The following EDA variants were observed in gnomAD, a reference collection of about 807,000 sequenced individuals.
The protein encoded by EDA is ectodysplasin-A.
A neutral mutation model predicts 23.6 loss-of-function variants in EDA; 2 were observed. The ratio of observed to expected loss-of-function variants is 0.08; its 90% CI spans 0.03 to 0.27. The LOEUF (loss-of-function observed/expected upper bound fraction) is 0.27. EDA is among the 10% of genes least tolerant of loss of function. The pLI, the probability that EDA is intolerant of heterozygous loss-of-function variation, is 1.00. For synonymous variants in EDA, 131 were observed against 132.0 expected, an observed-to-expected ratio of 0.99 and a Z score of 0.05; for missense variants, 229 against 324.2, an observed-to-expected ratio of 0.71 and a Z score of 2.26.
At chrX:69,833,366 C>T (rs1009072136) in intron 1 of EDA, among the ~76,000 whole-genome samples, 1 of 111,499 alleles carries the variant, frequency 9.0e-6, no homozygotes, top group Non-Finnish European at 1.9e-5. Flanking sequence ...GTTGAACCAG[C>T]CTTGCATCCC....
intron 2 of EDA, among the ~76,000 whole-genome samples, chrX:69,987,895 C>T (rs1179759596): frequency 9.0e-6 from 1 of 111,485 alleles, no homozygotes; most frequent in Non-Finnish European, 1.9e-5. Context: ...TCCTATTCTC[C>T]TGCCAGAGTA....
intron 1 of EDA, among the ~76,000 whole-genome samples, chrX:69,824,459 C>A (rs1190532924): frequency 4.5e-5 from 5 of 110,342 alleles, no homozygotes; most frequent in Admixed American, 2.9e-4. Flanking sequence ...TCTTTGAAGC[C>A]ATTGTGAATG....
At chrX:69,809,578 G>C (rs1287331330) in intron 1 of EDA, among the ~76,000 whole-genome samples, 1 of 111,798 alleles carries the variant, frequency 8.9e-6, no homozygotes, top group Non-Finnish European at 1.9e-5. Flanking sequence ...TTTAGGCAAG[G>C]TAAATGTTAA....
intron 1 of EDA, among the ~76,000 whole-genome samples, chrX:69,703,728 G>C (rs1039555389): frequency 8.9e-6 from 1 of 111,843 alleles, no homozygotes; most frequent in African/African-American, 3.3e-5. Flanking sequence ...CTATCTTGCT[G>C]AGGCATGCTG....
intron 2 of EDA, among the ~76,000 whole-genome samples, chrX:69,973,022 C>T (rs2019269924): frequency 9.0e-6 from 1 of 111,662 alleles, no homozygotes; most frequent in Admixed American, 9.5e-5. Context: ...CTAAGCTAAT[C>T]TAAGCCCTAA....
chrX:69,968,134 G>T (rs950445843), intron 2 of EDA, among the ~76,000 whole-genome samples: 1 of 111,387 alleles, frequency 9.0e-6, no homozygotes, highest in Non-Finnish European at 1.9e-5. Context: ...TCAGAAAAGA[G>T]AAAATCTTAT....
intron 2 of EDA, among the ~76,000 whole-genome samples, chrX:70,014,942 T>C (rs769945787): frequency 8.9e-6 from 1 of 111,933 alleles, no homozygotes; most frequent in Non-Finnish European, 1.9e-5. Flanking sequence ...CTAACACTCA[T>C]TGGCATCTCT....
At chrX:69,621,368 A>T (rs931015541) in intron 1 of EDA, among the ~76,000 whole-genome samples, 2 of 111,952 alleles carry the variant, frequency 1.8e-5, no homozygotes, top group Non-Finnish European at 3.8e-5. Context: ...TTGAAGTATA[A>T]CTCATACACA....
At chrX:69,944,842 C>T (rs1017330699) in intron 1 of EDA, among the ~76,000 whole-genome samples, 1 of 112,215 alleles carries the variant, frequency 8.9e-6, no homozygotes, top group African/African-American at 3.2e-5. Context: ...TGCCAGAACT[C>T]AGGTTCCAAC....
intron 1 of EDA, among the ~76,000 whole-genome samples, chrX:69,908,398 T>C (rs1219179538): frequency 2.7e-5 from 3 of 110,207 alleles, no homozygotes; most frequent in African/African-American, 9.9e-5. Context: ...GTAGAGGGAA[T>C]TACTGAGTAG....
At chrX:69,810,369 T>C (rs1337974563) in intron 1 of EDA, among the ~76,000 whole-genome samples, 1 of 103,075 alleles carries the variant, frequency 9.7e-6, no homozygotes, top group Non-Finnish European at 2.0e-5. Flanking sequence ...CTCTCCCTGC[T>C]CATATTTATA....
chrX:69,901,647 T>C (rs184436632), intron 1 of EDA, among the ~76,000 whole-genome samples: 16 of 111,780 alleles, frequency 1.4e-4, no homozygotes, highest in Admixed American at 1.3e-3. Context: ...AGAAAGGTAA[T>C]TTTGAGGTAA....
At chrX:69,747,228 T>A (rs185583630) in intron 1 of EDA, among the ~76,000 whole-genome samples, 18 of 112,212 alleles carry the variant, frequency 1.6e-4, no homozygotes, top group African/African-American at 5.8e-4. Flanking sequence ...TGGTTAGAAC[T>A]CTTCTTTGAG....
chrX:69,785,339 A>G, intron 1 of EDA, among the ~76,000 whole-genome samples: 1 of 78,384 alleles, frequency 1.3e-5, no homozygotes, highest in Non-Finnish European at 2.9e-5. Context: ...GTTGAATAGG[A>G]GTGGTGAGAG....
At chrX:69,740,960 A>G (rs973788940) in intron 1 of EDA, among the ~76,000 whole-genome samples, 1 of 109,241 alleles carries the variant, frequency 9.2e-6, no homozygotes, top group Non-Finnish European at 1.9e-5. Flanking sequence ...TTTAGTTATT[A>G]TACTTTTCAA....
chrX:69,788,953 GC>G lies in EDA; in HGVS notation c.397-168073del, dbSNP rs2015304122. On this transcript the variant is annotated intron_variant, in intron 1 of 7. Transcript: ENST00000374552. ...GCTATCAATCAGCGAGACTCCGTGG[GC>G]GTAGGACCCTCCGAGCCAGGTGCGG... Among the ~76,000 whole-genome samples the G allele has an allele frequency of 3.6e-5, 4 of 112,505 alleles. No individual in the cohort carries two copies. In the Admixed American group the frequency reaches 3.7e-4, roughly 11 times the overall value.
chrX:69,679,499 C>G (rs1355368195), intron 1 of EDA, among the ~76,000 whole-genome samples: 1 of 111,366 alleles, frequency 9.0e-6, no homozygotes, highest in Non-Finnish European at 1.9e-5. Flanking sequence ...AATTTCAGAT[C>G]CTGTTATTGG....
At chrX:69,869,065 T>C (rs1372116301) in intron 1 of EDA, among the ~76,000 whole-genome samples, 1 of 111,951 alleles carries the variant, frequency 8.9e-6, no homozygotes, top group African/African-American at 3.3e-5. Flanking sequence ...TTGTTTTTGA[T>C]TTACTATTCG....
chrX:69,748,465 A>T (rs2013693212), intron 1 of EDA, among the ~76,000 whole-genome samples: 1 of 111,930 alleles, frequency 8.9e-6, no homozygotes, highest in African/African-American at 3.3e-5. Context: ...CCGTCGTGTG[A>T]TATGTTGTAA....
Sources: allele counts gnomAD v4.1 joint callset (sites outside exome capture counted in the v4.1 genomes callset), GRCh38; gene constraint gnomAD v4.1.1; transcripts MANE v1.5; gene names NCBI Gene and HGNC (gene_info 2026-07-23, HGNC 2026-07-21).